C12orf56: variants seen among roughly 807,000 people sequenced by gnomAD.
C12orf56 encodes the protein uncharacterized protein C12orf56.
C12orf56 carries 71 observed loss-of-function variants against 69.9 expected under a neutral mutation model. The observed-to-expected ratio is 1.02, with a 90% CI of 0.84 to 1.24. The LOEUF is 1.24. C12orf56 is among the 50% of genes most tolerant of loss of function. The probability of loss-of-function intolerance (pLI) is 0.00; values close to 1 mark genes in which losing one functional copy is unlikely to be tolerated. For missense variants in C12orf56, 732 were observed against 738.5 expected, an observed-to-expected ratio of 0.99 and a Z score of 0.10; for synonymous variants, 276 against 274.1, an observed-to-expected ratio of 1.01 and a Z score of -0.07.
chr12:64,277,005 A>AC (rs1429566206), intron 9 of C12orf56, among the ~76,000 whole-genome samples: 2 of 149,838 alleles, frequency 1.3e-5, no homozygotes, highest in Admixed American at 6.7e-5. Context: ...AAAAAAAAAA[A>AC]AAAAAAAAAA....
intron 1 of C12orf56, among the ~76,000 whole-genome samples, chr12:64,383,299 A>G (rs2039744843): frequency 8.3e-6 from 1 of 120,898 alleles, no homozygotes; most frequent in South Asian, 2.6e-4. Flanking sequence ...CCTGGGCAAC[A>G]AAGTCTCAAA....
chr12:64,311,144 G>A (rs1040488733), intron 5 of C12orf56, among the ~76,000 whole-genome samples: 1 of 152,040 alleles, frequency 6.6e-6, no homozygotes, highest in Non-Finnish European at 1.5e-5. Flanking sequence ...TTGGTTCCAA[G>A]TCTTTGCTAT....
intron 2 of C12orf56, 80 bp from the exon 3 acceptor site, chr12:64,331,112 A>T (rs2038924793): frequency 2.6e-6 from 3 of 1,169,374 alleles, no homozygotes; most frequent in Non-Finnish European, 3.6e-6. Flanking sequence ...TCATGTACTG[A>T]TTAAATGACT....
At chr12:64,303,915 A>C in intron 5 of C12orf56, 136 bp from the exon 6 acceptor site, 1 of 1,025,856 alleles carries the variant, frequency 9.7e-7, no homozygotes, top group Non-Finnish European at 1.4e-6. Context: ...TCCTAGCCTT[A>C]ATACTCACCA....
intron 1 of C12orf56, among the ~76,000 whole-genome samples, chr12:64,374,143 T>C (rs2039609351): frequency 6.6e-6 from 1 of 152,234 alleles, no homozygotes; most frequent in African/African-American, 2.4e-5. Context: ...ATGATCCATC[T>C]ACAAATTCCC....
intron 1 of C12orf56, among the ~76,000 whole-genome samples, chr12:64,354,014 G>A (rs1440654060): frequency 3.3e-5 from 5 of 152,094 alleles, no homozygotes; most frequent in Non-Finnish European, 7.3e-5. Context: ...TTTCATAAAG[G>A]TCTCAAAAAT....
intron 11 of C12orf56, among the ~76,000 whole-genome samples, chr12:64,273,288 A>T (rs2038013198): frequency 6.9e-6 from 1 of 144,968 alleles, no homozygotes; most frequent in East Asian, 2.0e-4. Flanking sequence ...ACAGAGCAAG[A>T]CTCTGTCTCA....
At chr12:64,357,694 C>T (rs1002231894) in intron 1 of C12orf56, among the ~76,000 whole-genome samples, 1 of 152,038 alleles carries the variant, frequency 6.6e-6, no homozygotes, top group African/African-American at 2.4e-5. Context: ...ATCAGGAGTT[C>T]GAGGCCACCC....
In C12orf56 at chr12:64,322,880, C is replaced by T. The variant is rs191160446; in HGVS notation, c.489-3900G>A. 1.6e-3 allele frequency among the ~76,000 whole-genome samples: 251 copies of T among 152,288 alleles called. 1 individual carries two copies. The highest frequency in any genetic ancestry group is 2.8e-4 in the Non-Finnish European group (19 of 68,030). ...GTAGACCCAGCTCCCTCTTCACCCTCCTTTTTTTGGAAACTACTCCTCTCC... is the reference window on the plus strand; with the variant it reads ...GTAGACCCAGCTCCCTCTTCACCCTTCTTTTTTTGGAAACTACTCCTCTCC... On this transcript the variant is annotated intron_variant, in intron 3 of 12. Transcript: ENST00000543942.
At position 64,325,915 on chromosome 12, in the gene C12orf56, A is replaced by G. The variant is rs2038832967; in HGVS notation, c.488+5045T>C. On this transcript the variant is annotated intron_variant, in intron 3 of 12. Coordinates refer to ENST00000543942, the MANE Select transcript of C12orf56 (RefSeq NM_001170633.2). Reference sequence around the variant, plus strand: ...TCTTTTTTATAGAAATTCCAGGACCATCACTGACTCCAGGAAGGATCTAAC... The same window carrying G: ...TCTTTTTTATAGAAATTCCAGGACCGTCACTGACTCCAGGAAGGATCTAAC... 2.0e-5 allele frequency among the ~76,000 whole-genome samples: 3 copies of G among 152,208 alleles called. No homozygotes were observed. In the South Asian group the frequency reaches 6.2e-4, roughly 31 times the overall value.
intron 6 of C12orf56, among the ~76,000 whole-genome samples, chr12:64,303,135 G>A (rs1297000712): frequency 2.6e-5 from 4 of 151,870 alleles, no homozygotes; most frequent in Admixed American, 6.6e-5. Flanking sequence ...TTAGCTGGGC[G>A]TGGTAGTGGG....
At chr12:64,371,994 T>C (rs937645865) in intron 1 of C12orf56, among the ~76,000 whole-genome samples, 4 of 151,408 alleles carry the variant, frequency 2.6e-5, no homozygotes, top group African/African-American at 9.7e-5. Context: ...GTGGCCAGGC[T>C]GGTCTCAAAC....
chr12:64,381,098 A>G (rs1353263385), intron 1 of C12orf56, among the ~76,000 whole-genome samples: 1 of 152,020 alleles, frequency 6.6e-6, no homozygotes, highest in Non-Finnish European at 1.5e-5. Flanking sequence ...TCTCCCTGAG[A>G]ATTCGGGGAT....
rs148483767 is a variant in C12orf56, at chr12:64,385,258, T to G, written c.252+5056A>C. Among the ~76,000 whole-genome samples the G allele has an allele frequency of 5.1e-3, 779 of 152,302 alleles. 7 individuals carry two copies. Among genetic ancestry groups the G allele is most frequent in the African/African-American group, 0.018 (748 of 41,552 alleles). On this transcript the variant is annotated intron_variant, in intron 1 of 12. Transcript: ENST00000543942. ...CACATACTGAGATCGTGAAGTGCAC[T>G]TTAAGCTCATTTTTGCTGGAAGGGA...
chr12:64,294,497 T>A (rs2038339103), intron 6 of C12orf56, among the ~76,000 whole-genome samples: 1 of 151,864 alleles, frequency 6.6e-6, no homozygotes, highest in Non-Finnish European at 1.5e-5. Context: ...TATCCAGCCT[T>A]AAAAAAAAGG....
rs11522926 is a variant in C12orf56 at position 64,348,217 on chromosome 12, G to T, written c.415+4677C>A. Among the ~76,000 whole-genome samples the T allele has an allele frequency of 6.4e-3, 979 of 152,200 alleles. 10 individuals are homozygous for T. Among genetic ancestry groups the T allele is most frequent in the African/African-American group, 0.022 (928 of 41,504 alleles). ...TGCTTGAACCTGGGAGGCAGAAGTT[G>T]CAGTGAGCTGAGATCATGCTGTTGC... On this transcript the variant is annotated intron_variant, in intron 2 of 12. Coordinates refer to ENST00000543942, the MANE Select transcript of C12orf56 (RefSeq NM_001170633.2).
chr12:64,311,421 A>G (rs1429159499), intron 5 of C12orf56, among the ~76,000 whole-genome samples: 1 of 152,092 alleles, frequency 6.6e-6, no homozygotes, highest in African/African-American at 2.4e-5. Context: ...TCAAAAAAAA[A>G]AAACAAAAAC....
intron 4 of C12orf56, among the ~76,000 whole-genome samples, chr12:64,316,911 C>T (rs979200970): frequency 7.2e-5 from 11 of 152,190 alleles, no homozygotes; most frequent in Non-Finnish European, 2.9e-5. Context: ...GTCCGCCAAT[C>T]TGAATGCTCC....
intron 8 of C12orf56, among the ~76,000 whole-genome samples, chr12:64,282,291 C>T (rs1229724178): frequency 6.6e-6 from 1 of 152,268 alleles, no homozygotes; most frequent in Admixed American, 6.5e-5. Context: ...CAAATCCAGC[C>T]TACAGCCTGT....
Sources: gnomAD v4.1 joint callset for allele counts (sites outside exome capture counted in the v4.1 genomes callset) on GRCh38, gnomAD v4.1.1 for gene constraint, MANE v1.5 for transcripts, NCBI Gene and HGNC (gene_info 2026-07-23, HGNC 2026-07-21) for gene names.